The following PRKG1 variants were observed in gnomAD, a reference collection of about 807,000 sequenced individuals.
PRKG1 encodes protein kinase cGMP-dependent 1.
PRKG1 carries 35 observed loss-of-function variants against 88.1 expected under a neutral mutation model. The observed-to-expected ratio is 0.40, with a 90% CI of 0.30 to 0.53. PRKG1 has a LOEUF of 0.53. PRKG1 is among the 20% of genes least tolerant of loss of function. The probability of loss-of-function intolerance (pLI) is 0.59; values close to 1 mark genes in which losing one functional copy is unlikely to be tolerated. For missense variants in PRKG1, 540 were observed against 839.8 expected (o/e 0.64, Z 4.41); for synonymous variants, 303 against 292.5 (o/e 1.04, Z -0.37).
chr10:51,944,949 G>C (rs1472363743), intron 5 of PRKG1, among the ~76,000 whole-genome samples: 1 of 151,560 alleles, frequency 6.6e-6, no homozygotes, highest in African/African-American at 2.4e-5. Context: ...GGGGTGGAGA[G>C]TTCTGTAGAT....
At chr10:51,985,771 A>G (rs545614956) in intron 5 of PRKG1, among the ~76,000 whole-genome samples, 6 of 152,000 alleles carry the variant, frequency 3.9e-5, no homozygotes, top group Non-Finnish European at 8.8e-5. Context: ...CATTCTCTAC[A>G]GTCTCTGTGG....
At chr10:51,895,128 T>C (rs1275444277) in intron 4 of PRKG1, among the ~76,000 whole-genome samples, 3 of 152,170 alleles carry the variant, frequency 2.0e-5, no homozygotes, top group African/African-American at 4.8e-5. Flanking sequence ...CTGAGACTTA[T>C]TGAATGAATG....
chr10:52,276,102 G>T (rs988922382), intron 12 of PRKG1, among the ~76,000 whole-genome samples: 2 of 152,034 alleles, frequency 1.3e-5, no homozygotes, highest in East Asian at 3.9e-4. Context: ...CTTAGGGTTT[G>T]CCAGGAAAAC....
intron 4 of PRKG1, among the ~76,000 whole-genome samples, chr10:51,843,958 A>T (rs1018025781): frequency 6.6e-6 from 1 of 152,156 alleles, no homozygotes; most frequent in African/African-American, 2.4e-5. Flanking sequence ...GAAGAAAATG[A>T]TGTCTTCATG....
intron 1 of PRKG1, among the ~76,000 whole-genome samples, chr10:50,996,964 C>A (rs1340624641): frequency 1.3e-5 from 2 of 152,172 alleles, no homozygotes; most frequent in East Asian, 3.9e-4. Flanking sequence ...AATTTTTAGG[C>A]AGCACGGCTT....
chr10:52,145,201 C>A (rs569700167), intron 8 of PRKG1, among the ~76,000 whole-genome samples: 5 of 152,076 alleles, frequency 3.3e-5, no homozygotes, highest in Admixed American at 3.3e-4. Flanking sequence ...GCTTTGATTA[C>A]GTTAATTACA....
At position 51,538,669 on chromosome 10, in the gene PRKG1, G is replaced by GA. The variant is rs773529112; in HGVS notation, c.592+70846dup. On this transcript the variant is annotated intron_variant, in intron 3 of 17. Coordinates refer to ENST00000373980, the MANE Select transcript of PRKG1 (RefSeq NM_006258.4). ...GTTATCATTTGGAAACCCTAACAATGAAAAAAAAAAAAACAAATCCCTTTA... is the reference window on the plus strand; with the variant it reads ...GTTATCATTTGGAAACCCTAACAATGAAAAAAAAAAAAAACAAATCCCTTTA... Among the ~76,000 whole-genome samples, 1,007 of 122,664 alleles carry GA rather than the reference G, an allele frequency of 8.2e-3. 7 individuals are homozygous for GA. Among genetic ancestry groups the GA allele is most frequent in the African/African-American group, 0.02 (651 of 33,316 alleles). The allele number at this position is 122,664 out of a possible 152,430, so 80.5% of individuals were successfully genotyped here. A position where few individuals can be genotyped will look rare whatever the true frequency, so the allele number is the denominator to read the frequency against.
At chr10:52,220,197 G>A (rs899613815) in intron 9 of PRKG1, among the ~76,000 whole-genome samples, 15 of 152,116 alleles carry the variant, frequency 9.9e-5, no homozygotes, top group Admixed American at 7.9e-4. Flanking sequence ...TGAAGATGTT[G>A]TGTCCTCTGC....
At chr10:51,784,462 A>G (rs1838678346) in intron 3 of PRKG1, among the ~76,000 whole-genome samples, 1 of 152,130 alleles carries the variant, frequency 6.6e-6, no homozygotes, top group Non-Finnish European at 1.5e-5. Context: ...AAGCAAAACA[A>G]AACAACAACT....
chr10:51,705,092 C>G (rs561456909), intron 3 of PRKG1, among the ~76,000 whole-genome samples: 2 of 152,252 alleles, frequency 1.3e-5, no homozygotes, highest in East Asian at 3.9e-4. Context: ...CACTTTTTAT[C>G]ATACATGATC....
chr10:51,947,579 G>A (rs529969438), intron 5 of PRKG1, among the ~76,000 whole-genome samples: 3 of 152,210 alleles, frequency 2.0e-5, no homozygotes, highest in East Asian at 1.9e-4. Context: ...AGCTGTAGAC[G>A]GGAGCTGTTC....
At chr10:51,303,536 A>G (rs1444144708) in intron 2 of PRKG1, among the ~76,000 whole-genome samples, 1 of 151,872 alleles carries the variant, frequency 6.6e-6, no homozygotes, top group East Asian at 1.9e-4. Flanking sequence ...ATTAGCAATT[A>G]CTGCTAACCT....
At chr10:51,619,948 T>C (rs966883833) in intron 3 of PRKG1, among the ~76,000 whole-genome samples, 8 of 152,180 alleles carry the variant, frequency 5.3e-5, no homozygotes, top group Admixed American at 1.3e-4. Context: ...TCTTTAACTT[T>C]GGAGTTTTCT....
chr10:51,580,959 C>A (rs1220464744), intron 3 of PRKG1, among the ~76,000 whole-genome samples: 3 of 152,002 alleles, frequency 2.0e-5, no homozygotes, highest in African/African-American at 7.2e-5. Context: ...GGTGGATCAG[C>A]AGGTCGAGAA....
rs113316140 is a variant in PRKG1, at chr10:51,134,109, C to T, written c.312-19055C>T. On this transcript the variant is annotated intron_variant, in intron 1 of 17. Coordinates refer to ENST00000373980, the MANE Select transcript of PRKG1 (RefSeq NM_006258.4). ...TTTAATGTTAATTGATTCTAATATC[C>T]GCCATTATCAGAAATCTGAATGCAT... Among the ~76,000 whole-genome samples the T allele has an allele frequency of 7.0e-4, 107 of 152,204 alleles. 1 individual carries two copies. The highest frequency in any genetic ancestry group is 1.1e-3 in the African/African-American group (47 of 41,514).
intron 2 of PRKG1, among the ~76,000 whole-genome samples, chr10:51,380,605 G>A (rs1161974726): frequency 6.6e-6 from 1 of 151,996 alleles, no homozygotes; most frequent in African/African-American, 2.4e-5. Context: ...TTCAAGACTG[G>A]GAAAACATTT....
intron 3 of PRKG1, among the ~76,000 whole-genome samples, chr10:51,653,268 T>G (rs1306863637): frequency 6.6e-6 from 1 of 152,136 alleles, no homozygotes; most frequent in Non-Finnish European, 1.5e-5. Flanking sequence ...TATTTTTAAT[T>G]TTTTTTAGCA....
At chr10:51,238,545 G>A (rs149126933) in intron 2 of PRKG1, among the ~76,000 whole-genome samples, 1 of 151,794 alleles carries the variant, frequency 6.6e-6, no homozygotes, top group African/African-American at 2.4e-5. Flanking sequence ...TGGTGCCACT[G>A]CACTCCAGCC....
At chr10:51,875,587 T>C (rs1160988133) in intron 4 of PRKG1, among the ~76,000 whole-genome samples, 1 of 152,148 alleles carries the variant, frequency 6.6e-6, no homozygotes, top group South Asian at 2.1e-4. Context: ...TCTCTTTAAA[T>C]AGAAAGCTCA....
Sources: allele counts gnomAD v4.1 joint callset (sites outside exome capture counted in the v4.1 genomes callset), GRCh38; gene constraint gnomAD v4.1.1; transcripts MANE v1.5; gene names NCBI Gene and HGNC (gene_info 2026-07-23, HGNC 2026-07-21).